Variants in MOB3B observed in about 807,000 individuals in gnomAD.
MOB3B encodes MOB kinase activator 3B.
In MOB3B, 7 loss-of-function variants were observed where a neutral mutation model predicts 18.7. The observed-to-expected ratio is 0.37, with a 90% CI of 0.21 to 0.70. The LOEUF (loss-of-function observed/expected upper bound fraction) is 0.70. MOB3B is among the 30% of genes least tolerant of loss of function. The pLI, the probability that MOB3B is intolerant of heterozygous loss-of-function variation, is 0.52. For synonymous variants in MOB3B, 111 were observed against 99.9 expected, an observed-to-expected ratio of 1.11 and a Z score of -0.66; for missense variants, 253 against 281.3, an observed-to-expected ratio of 0.90 and a Z score of 0.72.
intron 3 of MOB3B, among the ~76,000 whole-genome samples, chr9:27,337,135 T>C (rs1820876283): frequency 6.6e-6 from 1 of 152,182 alleles, no homozygotes; most frequent in African/African-American, 2.4e-5. Context: ...AGAAGCCACA[T>C]TTCTGGCTGG....
At chr9:27,485,934 A>T (rs1819723498) in intron 1 of MOB3B, among the ~76,000 whole-genome samples, 1 of 152,252 alleles carries the variant, frequency 6.6e-6, no homozygotes, top group South Asian at 2.1e-4. Context: ...AGAGTCAAAA[A>T]TCTATAATTT....
intron 1 of MOB3B, among the ~76,000 whole-genome samples, chr9:27,492,181 A>C (rs1198981414): frequency 6.6e-6 from 1 of 152,180 alleles, no homozygotes. Flanking sequence ...AATATGAGCC[A>C]ATTTGTGGAT....
intron 1 of MOB3B, among the ~76,000 whole-genome samples, chr9:27,513,273 T>G (rs887308173): frequency 6.6e-6 from 1 of 152,142 alleles, no homozygotes; most frequent in South Asian, 2.1e-4. Flanking sequence ...CCATCTCTAC[T>G]GCTCCCACCT....
chr9:27,424,722 G>C (rs1822301919), intron 2 of MOB3B, among the ~76,000 whole-genome samples: 1 of 152,148 alleles, frequency 6.6e-6, no homozygotes, highest in African/African-American at 2.4e-5. Flanking sequence ...TGGCCACCGA[G>C]CAAAGAATAT....
intron 1 of MOB3B, chr9:27,524,276 G>A (rs1820391233): frequency 2.0e-6 from 3 of 1,535,016 alleles, no homozygotes; most frequent in African/African-American, 2.8e-5. Context: ...GGCACATGAA[G>A]GAAAACTCAA....
intron 2 of MOB3B, among the ~76,000 whole-genome samples, chr9:27,426,508 G>A (rs1822333887): frequency 6.6e-6 from 1 of 152,146 alleles, no homozygotes; most frequent in South Asian, 2.1e-4. Flanking sequence ...ACTGTGAAGT[G>A]AATCTTTTGT....
At chr9:27,516,748 C>G (rs1371507897) in intron 1 of MOB3B, among the ~76,000 whole-genome samples, 1 of 152,172 alleles carries the variant, frequency 6.6e-6, no homozygotes, top group Non-Finnish European at 1.5e-5. Context: ...ATTCCATTCC[C>G]CATATATTCT....
Position 27,330,584 on chromosome 9 carries a change from G to T in MOB3B, c.*3C>A. Reference sequence around the variant, plus strand: ...CCTTTCTTCCAAAGGGTGAGGTGGAGCATTAGTGACACATCCTGCTCGTCA... The same window carrying T: ...CCTTTCTTCCAAAGGGTGAGGTGGATCATTAGTGACACATCCTGCTCGTCA... On this transcript the variant is annotated 3_prime_UTR_variant, in exon 4 of 4. Coordinates refer to ENST00000262244, the MANE Select transcript of MOB3B (RefSeq NM_024761.5). 6.2e-7 allele frequency: 1 copy of T among 1,614,036 alleles called. No homozygotes were observed. Among genetic ancestry groups the T allele is most frequent in the Non-Finnish European group, 8.5e-7 (1 of 1,179,986 alleles).
At position 27,403,730 on chromosome 9, in the gene MOB3B, C is replaced by T. The variant is rs1821922129; in HGVS notation, c.419-44494G>A. ...TCCTGACCTTGTGATCCACCCGCCT[C>T]GGCCTCCCAAAGTGCTGGGATTACA... On this transcript the variant is annotated intron_variant, in intron 2 of 3. Coordinates refer to ENST00000262244, the MANE Select transcript of MOB3B (RefSeq NM_024761.5). Among the ~76,000 whole-genome samples, 3 of 151,946 alleles carry T rather than the reference C, an allele frequency of 2.0e-5. No homozygotes were observed. The South Asian group carries it at 6.3e-4, about 32-fold the overall frequency.
chr9:27,344,624 A>G (rs1821004341), intron 3 of MOB3B, among the ~76,000 whole-genome samples: 1 of 152,204 alleles, frequency 6.6e-6, no homozygotes, highest in African/African-American at 2.4e-5. Context: ...GAAACCTTGA[A>G]TTAAAAATGG....
intron 3 of MOB3B, among the ~76,000 whole-genome samples, chr9:27,352,492 G>A (rs894398010): frequency 3.3e-5 from 5 of 152,042 alleles, no homozygotes; most frequent in African/African-American, 1.2e-4. Flanking sequence ...GAAAATGCTT[G>A]TGCGTCATGC....
intron 2 of MOB3B, among the ~76,000 whole-genome samples, chr9:27,425,877 A>G (rs956405610): frequency 2.0e-5 from 3 of 152,136 alleles, no homozygotes; most frequent in African/African-American, 7.2e-5. Flanking sequence ...TCAAACCACA[A>G]AGGGCCTGAA....
At chr9:27,410,102 C>T (rs1037075907) in intron 2 of MOB3B, among the ~76,000 whole-genome samples, 3 of 152,082 alleles carry the variant, frequency 2.0e-5, no homozygotes, top group Non-Finnish European at 2.9e-5. Flanking sequence ...ATTTATTTTA[C>T]AACTAAAGAA....
At chr9:27,511,003 G>A (rs1388351699) in intron 1 of MOB3B, among the ~76,000 whole-genome samples, 1 of 152,112 alleles carries the variant, frequency 6.6e-6, no homozygotes, top group Non-Finnish European at 1.5e-5. Context: ...CATAAGTCAG[G>A]TCAAGCGGCA....
At chr9:27,449,280 G>A (rs749988075) in intron 2 of MOB3B, among the ~76,000 whole-genome samples, 2 of 152,182 alleles carry the variant, frequency 1.3e-5, no homozygotes, top group Non-Finnish European at 2.9e-5. Context: ...ATTTTACTGA[G>A]GATACGGTTC....
At chr9:27,481,504 T>TG (rs1563879297) in intron 1 of MOB3B, among the ~76,000 whole-genome samples, 65 of 51,160 alleles carry the variant, frequency 1.3e-3, no homozygotes, top group Admixed American at 4.4e-3. Context: ...GTAGTTTTTT[T>TG]TTTTTTGTTT....
intron 1 of MOB3B, among the ~76,000 whole-genome samples, chr9:27,496,167 G>A (rs1819894871): frequency 6.6e-6 from 1 of 152,190 alleles, no homozygotes; most frequent in Admixed American, 6.5e-5. Flanking sequence ...TCACATCAGT[G>A]TCCATTTTTA....
intron 1 of MOB3B, among the ~76,000 whole-genome samples, chr9:27,474,998 AC>A (rs1424438442): frequency 6.6e-6 from 1 of 152,224 alleles, no homozygotes; most frequent in Non-Finnish European, 1.5e-5. Context: ...CTTCTAGTGA[AC>A]AGAATACAGC....
chr9:27,472,520 C>A (rs1380356520), intron 1 of MOB3B, among the ~76,000 whole-genome samples: 1 of 151,998 alleles, frequency 6.6e-6, no homozygotes, highest in Non-Finnish European at 1.5e-5. Flanking sequence ...TTAGGTAAGC[C>A]TCCAGTGGAT....
Sources: allele counts gnomAD v4.1 joint callset (sites outside exome capture counted in the v4.1 genomes callset), GRCh38; gene constraint gnomAD v4.1.1; transcripts MANE v1.5; gene names NCBI Gene and HGNC (gene_info 2026-07-23, HGNC 2026-07-21).